The following NCKAP5 variants were observed in gnomAD, a reference collection of about 807,000 sequenced individuals.
NCKAP5 encodes nck-associated protein 5.
A neutral mutation model predicts 167.0 loss-of-function variants in NCKAP5; 92 were observed. That is an observed-to-expected ratio of 0.55 (90% CI 0.47 to 0.66). NCKAP5 has a LOEUF of 0.66. Ranked by LOEUF, NCKAP5 falls within the 30% of genes least tolerant of loss-of-function variation. The pLI, the probability that NCKAP5 is intolerant of heterozygous loss-of-function variation, is 0.00. For missense variants in NCKAP5, 2,378 were observed against 2,315.0 expected, an observed-to-expected ratio of 1.03 and a Z score of -0.56; for synonymous variants, 891 against 877.4, an observed-to-expected ratio of 1.02 and a Z score of -0.27.
intron 11 of NCKAP5, among the ~76,000 whole-genome samples, chr2:132,823,598 C>A (rs1686918382): frequency 6.6e-6 from 1 of 151,884 alleles, no homozygotes; most frequent in African/African-American, 2.4e-5. Flanking sequence ...AATAGAACTC[C>A]CTTAAAGCAT....
intron 5 of NCKAP5, among the ~76,000 whole-genome samples, chr2:133,167,595 C>T (rs1559216554): frequency 1.3e-5 from 2 of 152,108 alleles, no homozygotes; most frequent in Admixed American, 6.6e-5. Context: ...AGTGAGGCAA[C>T]GAACCCTGGT....
intron 11 of NCKAP5, among the ~76,000 whole-genome samples, chr2:132,823,445 GA>G (rs1417796107): frequency 2.0e-5 from 3 of 152,104 alleles, no homozygotes; most frequent in African/African-American, 7.2e-5. Flanking sequence ...TGTATTCAGT[GA>G]AACTAAGCTT....
intron 7 of NCKAP5, among the ~76,000 whole-genome samples, chr2:132,976,160 C>A (rs7582761): frequency 0.77 from 117,815 of 152,132 alleles, 46,217 homozygotes; most frequent in African/African-American, 0.9. Context: ...TCTCAACTAC[C>A]TATGGAATCT....
intron 3 of NCKAP5, among the ~76,000 whole-genome samples, chr2:133,404,405 G>A (rs183578438): frequency 3.3e-5 from 5 of 152,222 alleles, no homozygotes; most frequent in Non-Finnish European, 4.4e-5. Context: ...ATACATTACT[G>A]TTTTTTCCTA....
chr2:133,508,804 C>T (rs1230071946), intron 3 of NCKAP5, among the ~76,000 whole-genome samples: 1 of 152,210 alleles, frequency 6.6e-6, no homozygotes, highest in Non-Finnish European at 1.5e-5. Context: ...GAATGACAAA[C>T]AGATCTTGGA....
At chr2:133,111,248 T>C (rs1301611961) in intron 6 of NCKAP5, among the ~76,000 whole-genome samples, 1 of 152,162 alleles carries the variant, frequency 6.6e-6, no homozygotes, top group African/African-American at 2.4e-5. Flanking sequence ...TGATTATTAC[T>C]GTAGACAAAG....
chr2:133,043,499 A>C (rs2149461980), intron 6 of NCKAP5, among the ~76,000 whole-genome samples: 1 of 152,244 alleles, frequency 6.6e-6, no homozygotes, highest in Non-Finnish European at 1.5e-5. Flanking sequence ...AAATACACTA[A>C]CACTAATGAT....
intron 3 of NCKAP5, among the ~76,000 whole-genome samples, chr2:133,355,690 T>C (rs1660145687): frequency 6.6e-6 from 1 of 152,184 alleles, no homozygotes; most frequent in Non-Finnish European, 1.5e-5. Flanking sequence ...AAATCAACTT[T>C]TTCTCAGATA....
chr2:133,488,840 C>T (rs896260948), intron 3 of NCKAP5, among the ~76,000 whole-genome samples: 14 of 152,178 alleles, frequency 9.2e-5, no homozygotes, highest in African/African-American at 2.4e-4. Flanking sequence ...CACTTGAATC[C>T]GGGATGTGGA....
chr2:132,819,207 A>G (rs1686519615), intron 11 of NCKAP5, among the ~76,000 whole-genome samples: 3 of 152,138 alleles, frequency 2.0e-5, no homozygotes, highest in South Asian at 4.1e-4. Flanking sequence ...GACTTCCCAC[A>G]TGTGTGAACA....
chr2:133,036,158 T>A (rs368605519), intron 6 of NCKAP5, among the ~76,000 whole-genome samples: 21 of 151,752 alleles, frequency 1.4e-4, no homozygotes, highest in African/African-American at 5.1e-4. Context: ...CAATAACAAA[T>A]AACAAGATCG....
Position 133,018,691 on chromosome 2 carries a change from C to T in NCKAP5, c.342-24452G>A, listed in dbSNP as rs188981512. Among the ~76,000 whole-genome samples, 13 of 152,248 alleles carry T rather than the reference C, an allele frequency of 8.5e-5. No homozygotes were observed. In the East Asian group the frequency reaches 1.9e-3, roughly 23 times the overall value. On this transcript the variant is annotated intron_variant, in intron 6 of 19. Transcript: ENST00000409261. The stretch of plus-strand genomic sequence containing the variant: ...ATGTATTTATCATTTGTTTGGGGAT[C>T]CACAACAATTAGCAGGAGACCTTGA...
chr2:132,916,363 G>C (rs1206178643), intron 8 of NCKAP5, among the ~76,000 whole-genome samples: 2 of 151,892 alleles, frequency 1.3e-5, no homozygotes, highest in Non-Finnish European at 2.9e-5. Flanking sequence ...GTTGATCCTA[G>C]GCCACTGTTA....
chr2:133,637,097 T>C, the NCKAP5 span, among the ~76,000 whole-genome samples: 21 of 152,162 alleles, frequency 1.4e-4, no homozygotes, highest in Admixed American at 5.2e-4. Context: ...ATGTATACTT[T>C]TGTTGTTTAT....
chr2:133,077,942 C>T (rs1168823716), intron 6 of NCKAP5, among the ~76,000 whole-genome samples: 1 of 152,152 alleles, frequency 6.6e-6, no homozygotes, highest in Non-Finnish European at 1.5e-5. Flanking sequence ...GTCTAAGAAA[C>T]CCATAGTCTT....
At chr2:133,487,268 G>T (rs1575045782) in intron 3 of NCKAP5, among the ~76,000 whole-genome samples, 1 of 152,286 alleles carries the variant, frequency 6.6e-6, no homozygotes, top group South Asian at 2.1e-4. Flanking sequence ...GGAGTAGAGA[G>T]ACTAGGGAGG....
chr2:133,483,519 G>T (rs1025577394), intron 3 of NCKAP5, among the ~76,000 whole-genome samples: 14 of 150,238 alleles, frequency 9.3e-5, no homozygotes, highest in African/African-American at 3.4e-4. Context: ...GGGTGTGTGT[G>T]TTTTACCCTC....
At chr2:132,978,426 C>A (rs370073938) in intron 7 of NCKAP5, among the ~76,000 whole-genome samples, 1 of 152,176 alleles carries the variant, frequency 6.6e-6, no homozygotes, top group Non-Finnish European at 1.5e-5. Context: ...GTCTGCCACT[C>A]GTAGGTGGTA....
At chr2:133,326,332 T>C (rs1682441206) in intron 3 of NCKAP5, among the ~76,000 whole-genome samples, 1 of 151,832 alleles carries the variant, frequency 6.6e-6, no homozygotes, top group South Asian at 2.1e-4. Context: ...CACATGCTTG[T>C]AATCCCAGCT....
Sources: allele counts gnomAD v4.1 joint callset (sites outside exome capture counted in the v4.1 genomes callset), GRCh38; gene constraint gnomAD v4.1.1; transcripts MANE v1.5; gene names NCBI Gene and HGNC (gene_info 2026-07-23, HGNC 2026-07-21).